Variants in ESF1 observed in about 807,000 individuals in gnomAD.
ESF1 encodes ESF1 nucleolar pre-rRNA processing protein, also known as ESF1 homolog.
In ESF1, 58 loss-of-function variants were observed where a neutral mutation model predicts 92.0. The ratio of observed to expected loss-of-function variants is 0.63; its 90% CI spans 0.51 to 0.78. The LOEUF is 0.78. ESF1 is among the 30% of genes least tolerant of loss of function. The probability of loss-of-function intolerance (pLI) is 0.00; values close to 1 mark genes in which losing one functional copy is unlikely to be tolerated. For missense variants in ESF1, 922 were observed against 989.1 expected (o/e 0.93, Z 0.91); for synonymous variants, 321 against 313.7 (o/e 1.02, Z -0.24).
At chr20:13,748,441 CATATATACAT>C (rs1310612982) in intron 9 of ESF1, among the ~76,000 whole-genome samples, 2 of 91,304 alleles carry the variant, frequency 2.2e-5, no homozygotes, top group East Asian at 2.6e-4. Context: ...TATATATACA[CATATATACAT>C]ATATATACAT....
intron 9 of ESF1, among the ~76,000 whole-genome samples, chr20:13,743,605 T>C (rs899841068): frequency 3.3e-5 from 5 of 152,204 alleles, no homozygotes; most frequent in Admixed American, 2.6e-4. Context: ...GAACATATTA[T>C]GTTCGGTGAA....
At chr20:13,765,869 A>C (rs777175821) in intron 8 of ESF1, among the ~76,000 whole-genome samples, 1 of 152,234 alleles carries the variant, frequency 6.6e-6, no homozygotes, top group Non-Finnish European at 1.5e-5. Flanking sequence ...ACCTTGTAAA[A>C]TAAGACACCA....
intron 9 of ESF1, among the ~76,000 whole-genome samples, chr20:13,749,572 T>G (rs1279784719): frequency 6.6e-6 from 1 of 151,986 alleles, no homozygotes; most frequent in Admixed American, 6.6e-5. Flanking sequence ...TTTTTTATTT[T>G]TTAATTTTTT....
chr20:13,782,002 G>C (rs576227557), intron 2 of ESF1, among the ~76,000 whole-genome samples: 1 of 152,052 alleles, frequency 6.6e-6, no homozygotes, highest in Non-Finnish European at 1.5e-5. Flanking sequence ...TCAGCCTCCC[G>C]AATAGCTGGG....
Position 13,782,597 on chromosome 20 carries a change from C to T in ESF1, c.544G>A (p.Glu182Lys), listed in dbSNP as rs186231642. Residue 182 changes from glutamate to lysine, a missense_variant, in exon 2 of 14, where the codon GAA becomes AAA. Physicochemically the swap from Glu to Lys is moderately conservative, Grantham distance 56. Coordinates refer to ENST00000617257, the MANE Select transcript of ESF1 (RefSeq NM_001276380.2). ...IVQHTTDSSL[E>K]EKQRTLDSGT... is the part of the protein sequence containing the mutation. ...GAGTCTAATGTCCTTTGTTTTTCTT[C>T]GAGAGAAGAGTCTGTAGTATGTTGA... The T allele has an allele frequency of 2.1e-5, 33 of 1,595,094 alleles. 1 individual carries two copies. In the Admixed American group the frequency reaches 2.5e-4, roughly 12 times the overall value.
chr20:13,747,488 C>T (rs1168186038), intron 9 of ESF1, among the ~76,000 whole-genome samples: 4 of 151,426 alleles, frequency 2.6e-5, no homozygotes, highest in African/African-American at 9.7e-5. Context: ...CTGCTTGAAC[C>T]CGGGAGGTGG....
intron 8 of ESF1, among the ~76,000 whole-genome samples, chr20:13,763,431 T>C (rs1350168892): frequency 6.6e-6 from 1 of 152,250 alleles, no homozygotes; most frequent in Non-Finnish European, 1.5e-5. Context: ...TAAAATTTAG[T>C]TCAGTTCTCC....
chr20:13,751,064 T>C (rs773254632), intron 9 of ESF1, among the ~76,000 whole-genome samples: 11 of 152,354 alleles, frequency 7.2e-5, no homozygotes, highest in Middle Eastern at 6.8e-3. Flanking sequence ...AAGGTTATTA[T>C]GTTATCCATT....
chr20:13,760,429 C>G (rs1335455827), intron 8 of ESF1, among the ~76,000 whole-genome samples: 1 of 144,248 alleles, frequency 6.9e-6, no homozygotes, highest in Non-Finnish European at 1.5e-5. Context: ...GTGTGAGGAG[C>G]GCCTCTGCCC....
chr20:13,731,018 A>C (rs2049939171), intron 10 of ESF1, among the ~76,000 whole-genome samples: 1 of 152,194 alleles, frequency 6.6e-6, no homozygotes, highest in Admixed American at 6.5e-5. Flanking sequence ...CAAGGCCGGT[A>C]CTGAGTACTG....
chr20:13,759,759 C>G lies in ESF1; in HGVS notation c.1761G>C (p.Gln587His). Residue 587 changes from glutamine (Q) to histidine (H), a missense_variant, in exon 9 of 14, where the codon CAG becomes CAC. Coordinates refer to ENST00000617257, the MANE Select transcript of ESF1 (RefSeq NM_001276380.2). ...CTTTCTTTTCTTTTTCTTGAATAAC[C>G]TGCAAGAGCTGCCTGTATTTAGCAA... ...EQIAKYRQLLQVIQEKEKKGK... is the reference protein window; with the variant it reads ...EQIAKYRQLLHVIQEKEKKGK... 1 of 1,570,024 alleles carries G rather than the reference C, an allele frequency of 6.4e-7. No homozygotes were observed. Among genetic ancestry groups the G allele is most frequent in the Middle Eastern group, 1.7e-4 (1 of 5,950 alleles).
In ESF1 at chr20:13,783,059, T is replaced by C. The variant is rs1980296355; in HGVS notation, c.82A>G (p.Lys28Glu). ...TTGTCAATTTTGACTTTTCGATCCT[T>C]TTCTGGCATTTCCCAAAATCTCGGG... The part of the protein sequence containing the change: ...KDPRFWEMPE[K>E]DRKVKIDKRF... Residue 28 changes from lysine (K) to glutamate (E), a missense_variant, in exon 2 of 14, where the codon AAG (lysine) becomes GAG (glutamate). By Grantham distance (56) the Lys-to-Glu change is moderately conservative. Transcript: ENST00000617257. 3 of 1,613,972 alleles carry C rather than the reference T, an allele frequency of 1.9e-6. No homozygotes were observed. The highest frequency in any genetic ancestry group is 2.5e-6 in the Non-Finnish European group (3 of 1,180,026).
chr20:13,727,090 C>T (rs2049905320), intron 11 of ESF1, among the ~76,000 whole-genome samples: 1 of 152,194 alleles, frequency 6.6e-6, no homozygotes, highest in African/African-American at 2.4e-5. Context: ...TTAACTTATT[C>T]TTTGAATCCT....
intron 9 of ESF1, among the ~76,000 whole-genome samples, chr20:13,748,100 T>TG (rs1158282315): frequency 6.6e-6 from 1 of 152,204 alleles, no homozygotes; most frequent in Non-Finnish European, 1.5e-5. Flanking sequence ...TGCAGTCCAC[T>TG]GTTGACTGAA....
intron 9 of ESF1, among the ~76,000 whole-genome samples, chr20:13,736,985 C>T (rs1345328044): frequency 6.6e-6 from 1 of 152,142 alleles, no homozygotes; most frequent in Non-Finnish European, 1.5e-5. Context: ...TCATTTAAAT[C>T]TCTTGCCACA....
chr20:13,774,031 C>T (rs368281280), intron 4 of ESF1, among the ~76,000 whole-genome samples: 66 of 151,778 alleles, frequency 4.3e-4, no homozygotes, highest in African/African-American at 1.4e-3. Flanking sequence ...GGAGGCGGAG[C>T]TTGCAGTGAG....
chr20:13,766,980 C>T (rs1979457990), intron 7 of ESF1, 56 bp from the exon 8 acceptor site: 1 of 1,559,926 alleles, frequency 6.4e-7, no homozygotes, highest in South Asian at 1.2e-5. Flanking sequence ...TCAGCTCAAA[C>T]TTGTTAAAGA....
intron 5 of ESF1, 101 bp from the exon 6 acceptor site, chr20:13,771,584 G>A: frequency 1.1e-6 from 1 of 928,384 alleles, no homozygotes; most frequent in Non-Finnish European, 1.6e-6. Flanking sequence ...ATTACAAGCT[G>A]GCCTTCATAC....
At chr20:13,756,320 C>T (rs1378283603) in intron 9 of ESF1, among the ~76,000 whole-genome samples, 1 of 152,138 alleles carries the variant, frequency 6.6e-6, no homozygotes, top group African/African-American at 2.4e-5. Flanking sequence ...TCATTAGGGG[C>T]CTTCAAAATA....
Sources: allele counts gnomAD v4.1 joint callset (sites outside exome capture counted in the v4.1 genomes callset), GRCh38; gene constraint gnomAD v4.1.1; transcripts MANE v1.5; gene names NCBI Gene and HGNC (gene_info 2026-07-23, HGNC 2026-07-21).